The following GADD45B variants were observed in gnomAD, a reference collection of about 807,000 sequenced individuals.
GADD45B encodes growth arrest and DNA damage inducible beta.
A neutral mutation model predicts 15.2 loss-of-function variants in GADD45B; 8 were observed. The ratio of observed to expected loss-of-function variants is 0.53; its 90% confidence interval spans 0.31 to 0.95. The LOEUF (loss-of-function observed/expected upper bound fraction) is 0.95, where lower values mean the gene tolerates loss of function less well. GADD45B is among the 40% of genes least tolerant of loss of function. The pLI, the probability that GADD45B is intolerant of heterozygous loss-of-function variation, is 0.05. For missense variants in GADD45B, 162 were observed against 216.6 expected (o/e 0.75, Z 1.58); for synonymous variants, 100 against 89.8 (o/e 1.11, Z -0.64).
Position 2,477,336 on chromosome 19 carries a change from C to T in GADD45B, c.369+85C>T. 9.4e-7 allele frequency: 1 copy of T among 1,069,008 alleles called. No individual in the cohort carries two copies. The highest frequency in any genetic ancestry group is 1.3e-6 in the Non-Finnish European group (1 of 743,862). 66.2% of individuals were successfully genotyped at this position (1,069,008 alleles called of 1,614,324 possible). The stretch of plus-strand genomic sequence containing the variant: ...CAAAGTCGGGCTGACTGGTCCTGCA[C>T]AGCTCAGCGCTCAGCCACGTTTGGC... On this transcript the variant is annotated intron_variant, in intron 3 of 3. Coordinates refer to ENST00000215631, the MANE Select transcript of GADD45B (RefSeq NM_015675.4). The surrounding 1 kb of genome is among the most constrained non-coding windows in gnomAD (Gnocchi z 4.2).
chr19:2,477,254 G>A lies in GADD45B; in HGVS notation c.369+3G>A. Reference sequence around the variant, plus strand: ...ACCTGCATTGTCTCCTGGTCACGGTGAGTCGGGCCTCTGCCCTGCCCCGCC... The same window carrying A: ...ACCTGCATTGTCTCCTGGTCACGGTAAGTCGGGCCTCTGCCCTGCCCCGCC... On this transcript the variant is annotated splice_donor_region_variant and intron_variant, in intron 3 of 3. Transcript: ENST00000215631. The surrounding 1 kb of genome is among the most constrained non-coding windows in gnomAD (Gnocchi z 4.2). The A allele has an allele frequency of 1.3e-6, 2 of 1,547,188 alleles. No homozygotes were observed. Among genetic ancestry groups the A allele is most frequent in the South Asian group, 1.2e-5 (1 of 83,860 alleles).
At position 2,477,719 on chromosome 19, in the gene GADD45B, A is replaced by C; in HGVS notation, c.*118A>C. 8.0e-6 allele frequency: 4 copies of C among 498,460 alleles called. No homozygotes were observed. The highest frequency in any genetic ancestry group is 1.5e-5 in the Non-Finnish European group (4 of 272,086). 30.9% of individuals were successfully genotyped at this position (498,460 alleles called of 1,614,324 possible). A position where few individuals can be genotyped will look rare whatever the true frequency, so the allele number is the denominator to read the frequency against. On this transcript the variant is annotated 3_prime_UTR_variant, in exon 4 of 4. Coordinates refer to ENST00000215631, the MANE Select transcript of GADD45B (RefSeq NM_015675.4). The surrounding 1 kb of genome is among the most constrained non-coding windows in gnomAD (Gnocchi z 4.2). ...CAAAACAACCCAACCCACGAGGACCATCGGGGGCAGAGTCGTTGGAGACTG... is the reference window on the plus strand; with the variant it reads ...CAAAACAACCCAACCCACGAGGACCCTCGGGGGCAGAGTCGTTGGAGACTG...
chr19:2,476,820 C>T lies in GADD45B; in HGVS notation c.146+190C>T, dbSNP rs183137231. 5.3e-4 allele frequency: 322 copies of T among 608,532 alleles called. 1 individual carries two copies. In the East Asian group the frequency reaches 7.9e-3, roughly 15 times the overall value. 37.7% of individuals were successfully genotyped at this position (608,532 alleles called of 1,614,324 possible). ...ATCCTGATGTATCGTCTGCAAACAC[C>T]CCTCCCGCCGTGGGCCTGTCTCCCC... On this transcript the variant is annotated intron_variant, in intron 2 of 3. Transcript: ENST00000215631.
rs536955297 is a variant in GADD45B at position 2,476,150 on chromosome 19, C to G, written c.-209C>G. ...TCAGATCGCCGAAGCGTCGGACTAC[C>G]GTTGGTTTCCGCAACTTCCTGGATT... On this transcript the variant is annotated 5_prime_UTR_variant, in exon 1 of 4. Transcript: ENST00000215631. 3.6e-5 allele frequency: 22 copies of G among 610,168 alleles called. No individual in the cohort carries two copies. Among genetic ancestry groups the G allele is most frequent in the Admixed American group, 2.2e-4 (8 of 35,674 alleles). The allele number at this position is 610,168 out of a possible 1,614,324, so 37.8% of individuals were successfully genotyped here.
At position 2,477,579 on chromosome 19, in the gene GADD45B, A is replaced by G. The variant is rs772257196; in HGVS notation, c.461A>G (p.Tyr154Cys). The G allele has an allele frequency of 7.5e-6, 12 of 1,607,236 alleles. No individual in the cohort carries two copies. The highest frequency in any genetic ancestry group is 1.0e-5 in the Non-Finnish European group (12 of 1,173,858). ...ESRGNNQWVP[Y>C]ISLQER ...CGGGGCAACAACCAGTGGGTCCCCT[A>G]CATCTCTCTTCAGGAACGCTGAGGC... The change falls in exon 4 of 4, where the codon TAC becomes TGC. Residue 154 changes from tyrosine to cysteine, a missense_variant. Transcript: ENST00000215631. The surrounding 1 kb of genome is among the most constrained non-coding windows in gnomAD (Gnocchi z 4.2).
Position 2,476,567 on chromosome 19 carries a change from T to G in GADD45B, c.83T>G (p.Val28Gly). ...ACCGCCGCGGTGGAGGAGCTTTTGGTGGCCGCTCAGCGCCAGGATCGCCTC... is the reference window on the plus strand; with the variant it reads ...ACCGCCGCGGTGGAGGAGCTTTTGGGGGCCGCTCAGCGCCAGGATCGCCTC... ...TVTAAVEELL[V>G]AAQRQDRLTV... is the part of the protein sequence containing the mutation. Residue 28 changes from valine to glycine, a missense_variant, in exon 2 of 4, where the codon GTG (valine) becomes GGG (glycine). Val to Gly is a moderately radical substitution (Grantham distance 109, BLOSUM62 -3). Coordinates refer to ENST00000215631, the MANE Select transcript of GADD45B (RefSeq NM_015675.4). 1 of 1,604,850 alleles carries G rather than the reference T, an allele frequency of 6.2e-7. No homozygotes were observed. The highest frequency in any genetic ancestry group is 8.5e-7 in the Non-Finnish European group (1 of 1,173,856).
rs1268350348 is a variant in GADD45B at position 2,477,474 on chromosome 19, T to C, written c.370-14T>C. 8 of 1,577,064 alleles carry C rather than the reference T, an allele frequency of 5.1e-6. No individual in the cohort carries two copies. Among genetic ancestry groups the C allele is most frequent in the Non-Finnish European group, 7.0e-6 (8 of 1,147,464 alleles). On this transcript the variant is annotated splice_polypyrimidine_tract_variant and intron_variant, in intron 3 of 3. Transcript: ENST00000215631. This position sits in a 1 kb window ranked among gnomAD's most constrained non-coding sequence, Gnocchi z 4.2. ...AGGGAGGCTCCACTAAACCCCTTCTTTTCCCTCCTACAGAACCCTCACACG... is the reference window on the plus strand; with the variant it reads ...AGGGAGGCTCCACTAAACCCCTTCTCTTCCCTCCTACAGAACCCTCACACG...
rs148505835 is a variant in GADD45B at position 2,476,155 on chromosome 19, G to T, written c.-204G>T. 70 of 617,752 alleles carry T rather than the reference G, an allele frequency of 1.1e-4. 1 individual carries two copies. Among genetic ancestry groups the T allele is most frequent in the Admixed American group, 7.5e-4 (27 of 35,870 alleles). 38.3% of individuals were successfully genotyped at this position (617,752 alleles called of 1,614,324 possible). A position where few individuals can be genotyped will look rare whatever the true frequency, so the allele number is the denominator to read the frequency against. ...TCGCCGAAGCGTCGGACTACCGTTG[G>T]TTTCCGCAACTTCCTGGATTATCCT... On this transcript the variant is annotated 5_prime_UTR_variant, in exon 1 of 4. Transcript: ENST00000215631.
chr19:2,476,813 C>T (rs1972322700), intron 2 of GADD45B, 183 bp downstream of exon 2: 1 of 609,412 alleles, frequency 1.6e-6, no homozygotes, highest in South Asian at 2.0e-5. Flanking sequence ...GTATCGTCTG[C>T]AAACACCCCT....
chr19:2,477,470 T>G lies in GADD45B; in HGVS notation c.370-18T>G. The G allele has an allele frequency of 6.4e-7, 1 of 1,562,734 alleles. No individual in the cohort carries two copies. Among genetic ancestry groups the G allele is most frequent in the South Asian group, 1.1e-5 (1 of 89,786 alleles). ...GGAGAGGGAGGCTCCACTAAACCCC[T>G]TCTTTTCCCTCCTACAGAACCCTCA... is the stretch of plus-strand genomic sequence containing the variant. On this transcript the variant is annotated intron_variant, in intron 3 of 3. Coordinates refer to ENST00000215631, the MANE Select transcript of GADD45B (RefSeq NM_015675.4). The surrounding 1 kb of genome is among the most constrained non-coding windows in gnomAD (Gnocchi z 4.2).
rs769267957 is a variant in GADD45B, at chr19:2,476,413, G to C, written c.44+11G>C. On this transcript the variant is annotated intron_variant, in intron 1 of 3. Coordinates refer to ENST00000215631, the MANE Select transcript of GADD45B (RefSeq NM_015675.4). ...CAACGCGGCGCAGAAGTAAGTAGCC[G>C]GGGCTGCCGCCGCCTGAGGTCAGCC... is the stretch of plus-strand genomic sequence containing the variant. The C allele has an allele frequency of 6.2e-7, 1 of 1,612,998 alleles. No homozygotes were observed. The highest frequency in any genetic ancestry group is 8.5e-7 in the Non-Finnish European group (1 of 1,179,756).
At chr19:2,476,912 C>A (rs1419854951) in intron 2 of GADD45B, 117 bp from the exon 3 acceptor site, 3 of 681,342 alleles carry the variant, frequency 4.4e-6, no homozygotes, top group Non-Finnish European at 7.6e-6. Context: ...GAGGCAATCC[C>A]CTGCACCCTT....
At position 2,476,979 on chromosome 19, in the gene GADD45B, G is replaced by GC; in HGVS notation, c.147-46dup. On this transcript the variant is annotated intron_variant, in intron 2 of 3. Transcript: ENST00000215631. ...TTTTGCAAACTCCCCCTGCACGGTGGCCCCTCCCCTGTCCCCGGCTGACCC... is the reference window on the plus strand; with the variant it reads ...TTTTGCAAACTCCCCCTGCACGGTGGCCCCCTCCCCTGTCCCCGGCTGACCC... The GC allele has an allele frequency of 2.4e-6, 3 of 1,244,242 alleles. No individual in the cohort carries two copies. The South Asian group carries it at 3.6e-5, about 15-fold the overall frequency. The allele number at this position is 1,244,242 out of a possible 1,614,324, so 77.1% of individuals were successfully genotyped here. A position where few individuals can be genotyped will look rare whatever the true frequency, so the allele number is the denominator to read the frequency against.
Position 2,476,324 on chromosome 19 carries a change from G to C in GADD45B, c.-35G>C, listed in dbSNP as rs767605336. On this transcript the variant is annotated 5_prime_UTR_variant, in exon 1 of 4. Coordinates refer to ENST00000215631, the MANE Select transcript of GADD45B (RefSeq NM_015675.4). ...TTGCAATTTCTCCCTGGGGACTGCC[G>C]TGGAGCCGCATCCACTGTGGATTAT... 1.2e-6 allele frequency: 2 copies of C among 1,610,812 alleles called. No individual in the cohort carries two copies. The highest frequency in any genetic ancestry group is 1.7e-6 in the Non-Finnish European group (2 of 1,177,326).
rs1233279298 is a variant in GADD45B, at chr19:2,476,199, A to G, written c.-160A>G. 2.7e-6 allele frequency: 2 copies of G among 728,472 alleles called. No homozygotes were observed. The highest frequency in any genetic ancestry group is 1.7e-5 in the African/African-American group (1 of 57,384). The allele number at this position is 728,472 out of a possible 1,614,324, so 45.1% of individuals were successfully genotyped here. On this transcript the variant is annotated 5_prime_UTR_variant, in exon 1 of 4. The change creates a new upstream start codon in the 5' untranslated region. Coordinates refer to ENST00000215631, the MANE Select transcript of GADD45B (RefSeq NM_015675.4). ...TTATCCTCGCCAAGGACTTTGCAAT[A>G]TATTTTTCCGCCTTTTCTGGAAGGA...
Position 2,477,809 on chromosome 19 carries a change from G to A in GADD45B, c.*208G>A. Reference sequence around the variant, plus strand: ...CCCCAGGGCGGAGATCCAGGAGCTGGCGGCCGCCGATCCGATGGAGAAGGG... The same window carrying A: ...CCCCAGGGCGGAGATCCAGGAGCTGACGGCCGCCGATCCGATGGAGAAGGG... On this transcript the variant is annotated 3_prime_UTR_variant, in exon 4 of 4. Transcript: ENST00000215631. This position sits in a 1 kb window ranked among gnomAD's most constrained non-coding sequence, Gnocchi z 4.2. 1 of 431,240 alleles carries A rather than the reference G, an allele frequency of 2.3e-6. No homozygotes were observed. Among genetic ancestry groups the A allele is most frequent in the Non-Finnish European group, 4.3e-6 (1 of 234,838 alleles). 26.7% of individuals were successfully genotyped at this position (431,240 alleles called of 1,614,324 possible).
intron 2 of GADD45B, 160 bp downstream of exon 2, chr19:2,476,790 G>T (rs1972322192): frequency 1.6e-6 from 1 of 617,194 alleles, no homozygotes; most frequent in Non-Finnish European, 2.8e-6. Context: ...ATCGGGGGCT[G>T]CCGTATCCTG....
At chr19:2,476,951 C>T (rs903149041) in intron 2 of GADD45B, 78 bp from the exon 3 acceptor site, 7 of 941,136 alleles carry the variant, frequency 7.4e-6, no homozygotes, top group African/African-American at 6.5e-5. Context: ...TTGCACGCTC[C>T]TTTTTTGCAA....
At chr19:2,476,734 C>A in intron 2 of GADD45B, 104 bp downstream of exon 2, 1 of 706,026 alleles carries the variant, frequency 1.4e-6, no homozygotes, top group Non-Finnish European at 2.3e-6. Flanking sequence ...GGGACTTCCC[C>A]AAGTGCCCCC....
Sources: allele counts gnomAD v4.1 joint callset, GRCh38; gene constraint gnomAD v4.1.1; non-coding constraint Gnocchi (gnomAD v3.1); transcripts MANE v1.5; gene names NCBI Gene and HGNC (gene_info 2026-07-23, HGNC 2026-07-21).